Variants in MEI4 observed in about 807,000 individuals in gnomAD.
MEI4 encodes meiotic double-stranded break formation protein 4, also known as meiosis-specific protein MEI4.
MEI4 carries 27 observed loss-of-function variants against 31.4 expected under a neutral mutation model. The ratio of observed to expected loss-of-function variants is 0.86; its 90% CI spans 0.63 to 1.19. MEI4 has a LOEUF of 1.19. Ranked by LOEUF, MEI4 falls within the 50% of genes most tolerant of loss-of-function variation. The probability of loss-of-function intolerance (pLI) is 0.00; values close to 1 mark genes in which losing one functional copy is unlikely to be tolerated. For missense variants in MEI4, 329 were observed against 398.9 expected (o/e 0.82, Z 1.49); for synonymous variants, 122 against 145.4 (o/e 0.84, Z 1.16).
At chr6:77,882,014 A>G (rs1016494926) in intron 4 of MEI4, among the ~76,000 whole-genome samples, 6 of 152,236 alleles carry the variant, frequency 3.9e-5, no homozygotes, top group African/African-American at 1.4e-4. Context: ...TCAGATGCCA[A>G]CTGTAAGTTC....
chr6:77,876,110 TGTTTCTTTATCTATATGATAGATA>T (rs964077152), intron 4 of MEI4, among the ~76,000 whole-genome samples: 2 of 152,222 alleles, frequency 1.3e-5, no homozygotes, highest in Non-Finnish European at 2.9e-5. Flanking sequence ...TCAGCTTCAC[TGTTTCTTTATCTATATGATAGATA>T]GTTTCTTTAT....
Position 77,761,159 on chromosome 6 carries a change from G to C in MEI4, c.262G>C (p.Glu88Gln). The change falls in exon 3 of 5, where the codon GAA (glutamate) becomes CAA (glutamine). Residue 88 changes from glutamate (E) to glutamine (Q), a missense_variant. Physicochemically the swap from Glu to Gln is conservative, Grantham distance 29 (BLOSUM62 2). Coordinates refer to ENST00000684080, the MANE Select transcript of MEI4 (RefSeq NM_001322247.2). Reference sequence around the variant, plus strand: ...CGTTTCCTCCCAGTTGGAGGCTCAGGAACCTAAGAGTTCTGAAAGTACATT... The same window carrying C: ...CGTTTCCTCCCAGTTGGAGGCTCAGCAACCTAAGAGTTCTGAAAGTACATT... Reference protein sequence around the residue: ...GYVSSQLEAQEPKSSESTLTS... With the variant: ...GYVSSQLEAQQPKSSESTLTS... 8.1e-7 allele frequency: 1 copy of C among 1,231,972 alleles called. No homozygotes were observed. Among genetic ancestry groups the C allele is most frequent in the Non-Finnish European group, 1.0e-6 (1 of 987,890 alleles). The allele number at this position is 1,231,972 out of a possible 1,614,324, so 76.3% of individuals were successfully genotyped here.
Position 77,847,651 on chromosome 6 carries a change from TTTC to T in MEI4, c.900+18592_900+18594del, listed in dbSNP as rs1229308127. Among the ~76,000 whole-genome samples the T allele has an allele frequency of 1.3e-5, 2 of 152,212 alleles. No homozygotes were observed. The highest frequency in any genetic ancestry group is 2.9e-5 in the Non-Finnish European group (2 of 68,036). The stretch of plus-strand genomic sequence containing the variant: ...TAATCAGCATGGAAAGGAGCAGCCA[TTTC>T]TTTCCTACTCCGATCTTTGTATTAT... On this transcript the variant is annotated intron_variant, in intron 4 of 4. Coordinates refer to ENST00000684080, the MANE Select transcript of MEI4 (RefSeq NM_001322247.2). The surrounding 1 kb of genome is among the most constrained non-coding windows in gnomAD (Gnocchi z 4.6).
intron 2 of MEI4, among the ~76,000 whole-genome samples, chr6:77,732,301 C>A (rs1168343848): frequency 2.0e-5 from 3 of 151,960 alleles, no homozygotes; most frequent in African/African-American, 7.3e-5. Flanking sequence ...TCTTTTATTT[C>A]CTTGAGCAGT....
chr6:77,746,171 C>A (rs990095334), intron 2 of MEI4, among the ~76,000 whole-genome samples: 3 of 152,082 alleles, frequency 2.0e-5, no homozygotes, highest in African/African-American at 7.2e-5. Context: ...AAAAAAACTA[C>A]TGAATCCAGG....
intron 4 of MEI4, among the ~76,000 whole-genome samples, chr6:77,865,370 G>A (rs1450097525): frequency 6.6e-6 from 1 of 152,032 alleles, no homozygotes; most frequent in African/African-American, 2.4e-5. Context: ...GAATCAAATA[G>A]ACGCAATAAA....
chr6:77,919,448 A>G (rs1438055318), intron 4 of MEI4, among the ~76,000 whole-genome samples: 3 of 152,118 alleles, frequency 2.0e-5, no homozygotes, highest in Non-Finnish European at 4.4e-5. Flanking sequence ...CTTTGAAACC[A>G]ACGAGAACAA....
At chr6:77,874,922 A>G (rs1030534553) in intron 4 of MEI4, among the ~76,000 whole-genome samples, 1 of 152,206 alleles carries the variant, frequency 6.6e-6, no homozygotes, top group African/African-American at 2.4e-5. Flanking sequence ...TGATTTGCAT[A>G]TATTGAACTA....
intron 4 of MEI4, among the ~76,000 whole-genome samples, chr6:77,902,114 G>A (rs548091650): frequency 4.9e-4 from 75 of 152,160 alleles, no homozygotes; most frequent in African/African-American, 1.8e-3. Context: ...TAGCCTTGTA[G>A]CAGATTTTGA....
At chr6:77,740,166 TG>T (rs1254765310) in intron 2 of MEI4, among the ~76,000 whole-genome samples, 1 of 152,212 alleles carries the variant, frequency 6.6e-6, no homozygotes, top group East Asian at 1.9e-4. Flanking sequence ...TCTGAGAGAA[TG>T]GCTGTTATGA....
chr6:77,852,316 A>G (rs1196726690), intron 4 of MEI4, among the ~76,000 whole-genome samples: 2 of 152,212 alleles, frequency 1.3e-5, no homozygotes, highest in African/African-American at 4.8e-5. Flanking sequence ...CAGAAGGGCT[A>G]AGATGCCCAC....
At position 77,833,992 on chromosome 6, in the gene MEI4, A is replaced by G. The variant is rs991624604; in HGVS notation, c.900+4930A>G. On this transcript the variant is annotated intron_variant, in intron 4 of 4. Coordinates refer to ENST00000684080, the MANE Select transcript of MEI4 (RefSeq NM_001322247.2). Reference sequence around the variant, plus strand: ...ATTTTTTATGGCTGCATAGTATTCCATGGTGTATATGTGCCACATTTTCTT... The same window carrying G: ...ATTTTTTATGGCTGCATAGTATTCCGTGGTGTATATGTGCCACATTTTCTT... Among the ~76,000 whole-genome samples, 3 of 152,152 alleles carry G rather than the reference A, an allele frequency of 2.0e-5. No individual in the cohort carries two copies. The East Asian group carries it at 5.8e-4, about 29-fold the overall frequency.
At chr6:77,758,008 T>TAGC (rs954469944) in intron 2 of MEI4, among the ~76,000 whole-genome samples, 5 of 151,922 alleles carry the variant, frequency 3.3e-5, no homozygotes, top group African/African-American at 1.2e-4. Flanking sequence ...ATACAAAAAT[T>TAGC]AGCTGGGTGT....
In MEI4 at chr6:77,925,405, GTGAA is replaced by G. The variant is rs1454320177; in HGVS notation, c.*2062_*2065del. ...ATCCTGGGTTTCAGTCTATATCAGA[GTGAA>G]TGGTGTAGTAAATTAGTATTAAGGT... On this transcript the variant is annotated 3_prime_UTR_variant, in exon 5 of 5. Transcript: ENST00000684080. 1 of 151,728 alleles carries G rather than the reference GTGAA, an allele frequency of 6.6e-6. No homozygotes were observed. Among genetic ancestry groups the G allele is most frequent in the Non-Finnish European group, 1.5e-5 (1 of 67,870 alleles). 9.4% of individuals were successfully genotyped at this position (151,728 alleles called of 1,614,324 possible).
chr6:77,767,514 G>GT, intron 3 of MEI4, among the ~76,000 whole-genome samples: 1 of 151,998 alleles, frequency 6.6e-6, no homozygotes, highest in East Asian at 1.9e-4. Flanking sequence ...TGGCAACATG[G>GT]TGAGACCCTG....
chr6:77,840,611 T>G (rs962133869), intron 4 of MEI4, among the ~76,000 whole-genome samples: 1 of 152,180 alleles, frequency 6.6e-6, no homozygotes, highest in African/African-American at 2.4e-5. Flanking sequence ...TTTAAAATTT[T>G]TAATGATCTT....
intron 4 of MEI4, among the ~76,000 whole-genome samples, chr6:77,853,119 A>G (rs531339426): frequency 1.3e-5 from 2 of 152,198 alleles, no homozygotes; most frequent in Admixed American, 1.3e-4. Flanking sequence ...AATCGCTTCA[A>G]CCCGCGAGGT....
intron 4 of MEI4, among the ~76,000 whole-genome samples, chr6:77,912,919 A>G (rs1258713796): frequency 6.6e-6 from 1 of 152,190 alleles, no homozygotes; most frequent in African/African-American, 2.4e-5. Flanking sequence ...GAATTTCTCC[A>G]TTCAGTCTGA....
intron 2 of MEI4, among the ~76,000 whole-genome samples, chr6:77,693,547 G>A (rs547462648): frequency 9.4e-4 from 143 of 152,160 alleles, no homozygotes; most frequent in Non-Finnish European, 1.7e-3. Flanking sequence ...TATAATTAAA[G>A]TCAGTTTTAC....
Sources: allele counts gnomAD v4.1 joint callset (sites outside exome capture counted in the v4.1 genomes callset), GRCh38; gene constraint gnomAD v4.1.1; non-coding constraint Gnocchi (gnomAD v3.1); transcripts MANE v1.5; gene names NCBI Gene and HGNC (gene_info 2026-07-23, HGNC 2026-07-21).